Variants in SPON1 observed in about 807,000 individuals in gnomAD.
SPON1 encodes spondin-1.
A neutral mutation model predicts 111.7 loss-of-function variants in SPON1; 52 were observed. The observed-to-expected ratio is 0.47, with a 90% CI of 0.37 to 0.59. The LOEUF (loss-of-function observed/expected upper bound fraction) is 0.59. SPON1 is among the 20% of genes least tolerant of loss of function. SPON1 has a pLI of 0.00. For synonymous variants in SPON1, 410 were observed against 395.8 expected (o/e 1.04, Z -0.43); for missense variants, 957 against 1,068.5 (o/e 0.90, Z 1.46).
At chr11:14,038,906 T>C (rs902339115) in intron 2 of SPON1, among the ~76,000 whole-genome samples, 1 of 152,264 alleles carries the variant, frequency 6.6e-6, no homozygotes, top group African/African-American at 2.4e-5. Context: ...TGGACGTTTA[T>C]AGCAGCTTTA....
At chr11:14,136,440 C>T (rs1399005484) in intron 6 of SPON1, among the ~76,000 whole-genome samples, 1 of 152,222 alleles carries the variant, frequency 6.6e-6, no homozygotes, top group Non-Finnish European at 1.5e-5. Context: ...CCTCCCTGTG[C>T]TCCTGTCCCA....
At chr11:14,168,988 A>G (rs1297583933) in intron 6 of SPON1, among the ~76,000 whole-genome samples, 12 of 152,222 alleles carry the variant, frequency 7.9e-5, no homozygotes, top group Non-Finnish European at 1.3e-4. Flanking sequence ...TTATAGCAGC[A>G]TGATTTATAA....
chr11:14,023,557 C>A (rs1260162131), intron 2 of SPON1, among the ~76,000 whole-genome samples: 5 of 151,994 alleles, frequency 3.3e-5, no homozygotes, highest in Middle Eastern at 3.4e-3. Flanking sequence ...AAATTAATAA[C>A]CACATTTTCT....
intron 1 of SPON1, among the ~76,000 whole-genome samples, chr11:13,981,684 C>A (rs1848146010): frequency 6.6e-6 from 1 of 152,198 alleles, no homozygotes; most frequent in Non-Finnish European, 1.5e-5. Flanking sequence ...AAGAGTATAA[C>A]AGACTTATAA....
chr11:14,192,076 A>G (rs973449196), intron 6 of SPON1, among the ~76,000 whole-genome samples: 3 of 152,210 alleles, frequency 2.0e-5, no homozygotes, highest in Non-Finnish European at 4.4e-5. Flanking sequence ...CAGAAAATAA[A>G]GAAAATTATG....
At position 13,962,803 on chromosome 11, in the gene SPON1, T is replaced by C. The variant is rs1847982860; in HGVS notation, c.-102T>C. The C allele has an allele frequency of 8.8e-7, 1 of 1,142,220 alleles. No homozygotes were observed. Among genetic ancestry groups the C allele is most frequent in the African/African-American group, 1.7e-5 (1 of 60,398 alleles). 70.8% of individuals were successfully genotyped at this position (1,142,220 alleles called of 1,614,324 possible). Reference sequence around the variant, plus strand: ...GGACGCCAGCTCCGAGCTCCCTCTCTCCGCCGCGCCTCCGCCAGGTCGCGC... The same window carrying C: ...GGACGCCAGCTCCGAGCTCCCTCTCCCCGCCGCGCCTCCGCCAGGTCGCGC... On this transcript the variant is annotated 5_prime_UTR_variant, in exon 1 of 16. Coordinates refer to ENST00000576479, the MANE Select transcript of SPON1 (RefSeq NM_006108.4).
chr11:14,012,085 G>A (rs1848409172), intron 2 of SPON1, among the ~76,000 whole-genome samples: 1 of 152,170 alleles, frequency 6.6e-6, no homozygotes, highest in Non-Finnish European at 1.5e-5. Flanking sequence ...CTCTTGGGAT[G>A]GGATGCCTAG....
chr11:14,026,511 C>A (rs1267528223), intron 2 of SPON1, among the ~76,000 whole-genome samples: 2 of 152,194 alleles, frequency 1.3e-5, no homozygotes, highest in Non-Finnish European at 2.9e-5. Flanking sequence ...GGAAGATATT[C>A]AGTGACTTGT....
intron 3 of SPON1, among the ~76,000 whole-genome samples, chr11:14,062,072 C>G (rs1437499011): frequency 6.6e-6 from 1 of 152,180 alleles, no homozygotes; most frequent in Non-Finnish European, 1.5e-5. Flanking sequence ...TACCACAGCT[C>G]TAGGAGAAAA....
intron 6 of SPON1, among the ~76,000 whole-genome samples, chr11:14,162,748 A>G (rs1181316593): frequency 6.6e-6 from 1 of 152,210 alleles, no homozygotes. Flanking sequence ...TAACTGGTAT[A>G]AGGAGGTTTG....
rs559679458 is a variant in SPON1, at chr11:14,146,311, G to A, written c.825+10743G>A. On this transcript the variant is annotated intron_variant, in intron 6 of 15. Coordinates refer to ENST00000576479, the MANE Select transcript of SPON1 (RefSeq NM_006108.4). Reference sequence around the variant, plus strand: ...ATTACAGGTGCCCACCACCATGCCCGGCTAATTTTTACATTTTTAGTAGAG... The same window carrying A: ...ATTACAGGTGCCCACCACCATGCCCAGCTAATTTTTACATTTTTAGTAGAG... Among the ~76,000 whole-genome samples the A allele has an allele frequency of 6.6e-5, 10 of 151,934 alleles. No individual in the cohort carries two copies. The East Asian group carries it at 1.2e-3, about 18-fold the overall frequency.
intron 2 of SPON1, among the ~76,000 whole-genome samples, chr11:13,994,733 C>G (rs1036687959): frequency 3.9e-5 from 6 of 152,160 alleles, no homozygotes; most frequent in Non-Finnish European, 7.4e-5. Flanking sequence ...AAGAAAAATA[C>G]TCTAGAACTT....
At chr11:13,997,406 T>A (rs1848282049) in intron 2 of SPON1, among the ~76,000 whole-genome samples, 1 of 152,232 alleles carries the variant, frequency 6.6e-6, no homozygotes, top group Non-Finnish European at 1.5e-5. Context: ...TGAATTTATC[T>A]GAAACTTACT....
chr11:14,216,368 C>T (rs1279914218), intron 6 of SPON1, among the ~76,000 whole-genome samples: 1 of 152,146 alleles, frequency 6.6e-6, no homozygotes, highest in Non-Finnish European at 1.5e-5. Flanking sequence ...AAAACAGAAG[C>T]AAACAATGTG....
intron 1 of SPON1, among the ~76,000 whole-genome samples, chr11:13,974,387 A>T (rs1591337047): frequency 3.3e-5 from 5 of 152,192 alleles, no homozygotes. Context: ...TTCTATTAAT[A>T]ATTCTGAAAC....
At chr11:14,257,597 C>T (rs1327227631) in intron 10 of SPON1, 119 bp from the exon 11 acceptor site, 2 of 888,850 alleles carry the variant, frequency 2.3e-6, no homozygotes, top group Non-Finnish European at 3.3e-6. Flanking sequence ...AGCACCCAGG[C>T]TCACTGAAGT....
intron 3 of SPON1, among the ~76,000 whole-genome samples, chr11:14,058,538 A>G (rs534428766): frequency 1.3e-5 from 2 of 152,284 alleles, no homozygotes; most frequent in South Asian, 2.1e-4. Context: ...GATTGTCCCT[A>G]GACCAGAGAA....
intron 2 of SPON1, among the ~76,000 whole-genome samples, chr11:14,008,284 T>C (rs1434616984): frequency 6.6e-6 from 1 of 152,170 alleles, no homozygotes; most frequent in African/African-American, 2.4e-5. Context: ...CACAGGATGA[T>C]GCTGGAACCA....
intron 13 of SPON1, among the ~76,000 whole-genome samples, chr11:14,260,368 G>T (rs951973181): frequency 6.6e-6 from 1 of 152,092 alleles, no homozygotes; most frequent in South Asian, 2.1e-4. Context: ...TAACCATCGG[G>T]GGGGGTCAGC....
Sources: allele counts gnomAD v4.1 joint callset (sites outside exome capture counted in the v4.1 genomes callset), GRCh38; gene constraint gnomAD v4.1.1; transcripts MANE v1.5; gene names NCBI Gene and HGNC (gene_info 2026-07-23, HGNC 2026-07-21).